The following KIAA0930 variants were observed in gnomAD, a reference collection of about 807,000 sequenced individuals.
The protein encoded by KIAA0930 is uncharacterized protein KIAA0930.
In KIAA0930, 24 loss-of-function variants were observed where a neutral mutation model predicts 43.9. That is an observed-to-expected ratio of 0.55 (90% CI 0.40 to 0.77). The LOEUF (loss-of-function observed/expected upper bound fraction) is 0.77. Among genes scored for constraint, KIAA0930 ranks in the 30% least tolerant of loss-of-function variants. KIAA0930 has a pLI of 0.00. For missense variants in KIAA0930, 461 were observed against 574.2 expected (o/e 0.80, Z 2.02); for synonymous variants, 259 against 216.4 (o/e 1.20, Z -1.73).
intron 5 of KIAA0930, among the ~76,000 whole-genome samples, chr22:45,204,500 C>G (rs765425350): frequency 1.3e-5 from 2 of 152,220 alleles, no homozygotes; most frequent in Non-Finnish European, 2.9e-5. Flanking sequence ...AGACGCAAAT[C>G]TCAGCTCTGC....
rs763939560 is a variant in KIAA0930 at position 45,212,066 on chromosome 22, A to G, written c.106T>C (p.Phe36Leu). The change falls in exon 2 of 10, where the codon TTC becomes CTC. Residue 36 changes from phenylalanine (F) to leucine (L), a missense_variant. Phe to Leu is a conservative substitution (Grantham distance 22). Transcript: ENST00000336156. ...DDRIVFWTWMFSTYFMEKWAP... is the reference protein window; with the variant it reads ...DDRIVFWTWMLSTYFMEKWAP... The stretch of plus-strand genomic sequence containing the variant: ...CATTTCTCCATGAAGTAGGTGGAGA[A>G]CATCCAAGTCCAGAAGACGATGCGG... 6.2e-7 allele frequency: 1 copy of G among 1,613,972 alleles called. No individual in the cohort carries two copies. Among genetic ancestry groups the G allele is most frequent in the Non-Finnish European group, 8.5e-7 (1 of 1,180,014 alleles).
At chr22:45,229,396 C>G (rs2083837335) in intron 1 of KIAA0930, among the ~76,000 whole-genome samples, 1 of 140,960 alleles carries the variant, frequency 7.1e-6, no homozygotes, top group South Asian at 2.4e-4. Flanking sequence ...CTCCTCCTGT[C>G]ACTCCCAGGG....
chr22:45,223,550 T>TGGCACCGAGCCAGCACCTAGGATC (rs1284137766), intron 1 of KIAA0930, among the ~76,000 whole-genome samples: 31 of 152,260 alleles, frequency 2.0e-4, no homozygotes, highest in African/African-American at 6.7e-4. Flanking sequence ...AAAATTGTGC[T>TGGCACCGAGCCAGCACCTAGGATC]GGCACCGAGC....
chr22:45,198,235 C>T (rs892993450), intron 8 of KIAA0930, among the ~76,000 whole-genome samples: 2 of 152,222 alleles, frequency 1.3e-5, no homozygotes, highest in Non-Finnish European at 2.9e-5. Flanking sequence ...TCCGGGGGTT[C>T]TGGCACACAC....
chr22:45,225,535 G>C (rs2083793753), intron 1 of KIAA0930, among the ~76,000 whole-genome samples: 1 of 152,162 alleles, frequency 6.6e-6, no homozygotes, highest in Non-Finnish European at 1.5e-5. Flanking sequence ...GCCAGCCTCG[G>C]CCCTTCTTCT....
intron 2 of KIAA0930, among the ~76,000 whole-genome samples, chr22:45,206,635 A>G (rs568827162): frequency 6.6e-6 from 1 of 152,326 alleles, no homozygotes; most frequent in South Asian, 2.1e-4. Context: ...ACTGAAGATC[A>G]ATAATAAATA....
chr22:45,240,042 G>T (rs2083907359), intron 1 of KIAA0930, among the ~76,000 whole-genome samples: 2 of 152,050 alleles, frequency 1.3e-5, no homozygotes, highest in Admixed American at 1.3e-4. Context: ...GAATCACACC[G>T]AGAGGCAGCA....
At chr22:45,206,494 T>C (rs915037135) in intron 2 of KIAA0930, among the ~76,000 whole-genome samples, 3 of 152,338 alleles carry the variant, frequency 2.0e-5, no homozygotes, top group East Asian at 1.9e-4. Flanking sequence ...TCAATGATAA[T>C]AGTGACACCT....
At chr22:45,213,235 C>A in intron 1 of KIAA0930, 1 of 1,133,420 alleles carries the variant, frequency 8.8e-7, no homozygotes. Flanking sequence ...AGAACCAGGA[C>A]TCACAGCCAG....
Position 45,199,864 on chromosome 22 carries a change from G to A in KIAA0930, c.1015+9C>T. On this transcript the variant is annotated intron_variant, in intron 8 of 9. Transcript: ENST00000336156. The stretch of plus-strand genomic sequence containing the variant: ...CACGGGGACCCTAGGGCACGGAGTG[G>A]GGGGTCACCTCCACCGTCGTCCTCC... The A allele has an allele frequency of 2.6e-6, 4 of 1,560,082 alleles. No individual in the cohort carries two copies. In the African/African-American group the frequency reaches 4.1e-5, roughly 16 times the overall value.
chr22:45,212,476 G>T lies in KIAA0930; in HGVS notation c.65-369C>A. ...CTGGGCTGGAAGCCGGGAAGGCTTG[G>T]CTGGGGGGGAGCCTTTGGAGAGGCA... On this transcript the variant is annotated intron_variant, in intron 1 of 9. Coordinates refer to ENST00000336156, the MANE Select transcript of KIAA0930 (RefSeq NM_001009880.2). 3 of 1,443,260 alleles carry T rather than the reference G, an allele frequency of 2.1e-6. No individual in the cohort carries two copies. The South Asian group carries it at 4.3e-5, about 21-fold the overall frequency. 89.4% of individuals were successfully genotyped at this position (1,443,260 alleles called of 1,614,324 possible).
rs1381967590 is a variant in KIAA0930 at position 45,205,673 on chromosome 22, C to T, written c.371G>A (p.Arg124His). 1 of 1,614,118 alleles carries T rather than the reference C, an allele frequency of 6.2e-7. No homozygotes were observed. Among genetic ancestry groups the T allele is most frequent in the Non-Finnish European group, 8.5e-7 (1 of 1,180,030 alleles). Residue 124 changes from arginine to histidine, a missense_variant, in exon 4 of 10, where the codon CGT becomes CAT. Transcript: ENST00000336156. ...GATGTGAATGTCCCCGCCGTCAGCACGTGTGCACACCGCACAGGTCACCAT... is the reference window on the plus strand; with the variant it reads ...GATGTGAATGTCCCCGCCGTCAGCATGTGTGCACACCGCACAGGTCACCAT... ...DYMVTCAVCTRADGGDIHIHK... is the reference protein window; with the variant it reads ...DYMVTCAVCTHADGGDIHIHK...
intron 9 of KIAA0930, 69 bp downstream of exon 9, chr22:45,197,721 T>C: frequency 6.4e-7 from 1 of 1,560,854 alleles, no homozygotes; most frequent in East Asian, 2.2e-5. Context: ...GGCTCACAAG[T>C]ACCAAGGCCC....
intron 1 of KIAA0930, among the ~76,000 whole-genome samples, chr22:45,214,750 A>AT (rs887189485): frequency 6.6e-6 from 1 of 152,082 alleles, no homozygotes; most frequent in African/African-American, 2.4e-5. Context: ...CTCTAAAAAA[A>AT]AAATAAAAAT....
At position 45,209,272 on chromosome 22, in the gene KIAA0930, G is replaced by A. The variant is rs571494048; in HGVS notation, c.216+2684C>T. ...CCCGCAGAGGACTTGCAGTGCGCAG[G>A]CGACTCCGCGGGTCCCCCACCTCCA... On this transcript the variant is annotated intron_variant, in intron 2 of 9. Coordinates refer to ENST00000336156, the MANE Select transcript of KIAA0930 (RefSeq NM_001009880.2). 2.6e-5 allele frequency among the ~76,000 whole-genome samples: 4 copies of A among 152,238 alleles called. No homozygotes were observed. The East Asian group carries it at 7.7e-4, about 29-fold the overall frequency.
At chr22:45,202,848 C>CCGCACGCTCGGCACCTCGGCCTG in intron 7 of KIAA0930, 142 bp downstream of exon 7, 1 of 687,734 alleles carries the variant, frequency 1.5e-6, no homozygotes, top group South Asian at 2.1e-5. Flanking sequence ...GTCCGGGCCT[C>CCGCACGCTCGGCACCTCGGCCTG]CGCACGCTCG....
At position 45,205,930 on chromosome 22, in the gene KIAA0930, GAAGT is replaced by G. The variant is rs1569074642; in HGVS notation, c.217-22_217-19del. 6.2e-7 allele frequency: 1 copy of G among 1,611,446 alleles called. No individual in the cohort carries two copies. The highest frequency in any genetic ancestry group is 1.1e-5 in the South Asian group (1 of 91,044). On this transcript the variant is annotated intron_variant, in intron 2 of 9. Coordinates refer to ENST00000336156, the MANE Select transcript of KIAA0930 (RefSeq NM_001009880.2). ...TCAGCTGCCTGCGAGGCCCAGAGCAGAAGTGAGTGCCCAGGGCCCACTGTGGTGC... is the reference window on the plus strand; with the variant it reads ...TCAGCTGCCTGCGAGGCCCAGAGCAGGAGTGCCCAGGGCCCACTGTGGTGC...
chr22:45,226,034 C>T (rs573365613), intron 1 of KIAA0930: 14 of 290,160 alleles, frequency 4.8e-5, no homozygotes, highest in African/African-American at 2.4e-4. Flanking sequence ...GCAGGGCGTC[C>T]GGGGCCCAGC....
At chr22:45,228,064 C>T (rs990754123) in intron 1 of KIAA0930, among the ~76,000 whole-genome samples, 1 of 152,154 alleles carries the variant, frequency 6.6e-6, no homozygotes, top group Non-Finnish European at 1.5e-5. Flanking sequence ...GCAGATAGAG[C>T]TGGGGGTTTG....
Sources: allele counts gnomAD v4.1 joint callset (sites outside exome capture counted in the v4.1 genomes callset), GRCh38; gene constraint gnomAD v4.1.1; transcripts MANE v1.5; gene names NCBI Gene and HGNC (gene_info 2026-07-23, HGNC 2026-07-21).